The following PTPRN2 variants were observed in gnomAD, a reference collection of about 807,000 sequenced individuals.
PTPRN2 encodes the protein protein tyrosine phosphatase receptor type N2.
PTPRN2 carries 74 observed loss-of-function variants against 118.8 expected under a neutral mutation model. That is an observed-to-expected ratio of 0.62 (90% confidence interval 0.52 to 0.76). The LOEUF (loss-of-function observed/expected upper bound fraction) is 0.76. PTPRN2 is among the 30% of genes least tolerant of loss of function. The probability of loss-of-function intolerance (pLI) is 0.00; values close to 1 mark genes in which losing one functional copy is unlikely to be tolerated. For synonymous variants in PTPRN2, 641 were observed against 608.0 expected, an observed-to-expected ratio of 1.05 and a Z score of -0.80; for missense variants, 1,481 against 1,394.4, an observed-to-expected ratio of 1.06 and a Z score of -0.99.
intron 2 of PTPRN2, among the ~76,000 whole-genome samples, chr7:158,365,004 C>G (rs1405411168): frequency 1.3e-5 from 2 of 152,158 alleles, no homozygotes; most frequent in African/African-American, 4.8e-5. Flanking sequence ...CGCATGTGCA[C>G]ACACAACACA....
Position 157,940,445 on chromosome 7 carries a change from CCCTGTGACACTGCAAATCTAATGCCCTCT to C in PTPRN2, c.1724-41737_1724-41709del, listed in dbSNP as rs1447732531. Among the ~76,000 whole-genome samples the C allele has an allele frequency of 4.6e-5, 7 of 152,070 alleles. No individual in the cohort carries two copies. In the South Asian group the frequency reaches 8.3e-4, roughly 18 times the overall value. On this transcript the variant is annotated intron_variant, in intron 11 of 22. Coordinates refer to ENST00000389418, the MANE Select transcript of PTPRN2 (RefSeq NM_002847.5). ...ACTGTTACAGAAATCTAATGCCCTC[CCCTGTGACACTGCAAATCTAATGCCCTCT>C]CCTGTGACACTGCAAATCTAACACC...
intron 5 of PTPRN2, among the ~76,000 whole-genome samples, chr7:158,189,991 T>C (rs1585793608): frequency 6.6e-6 from 1 of 152,386 alleles, no homozygotes; most frequent in East Asian, 1.9e-4. Context: ...GGAATATGTT[T>C]GCCAGTGTCC....
At chr7:157,835,534 G>A (rs1282533097) in intron 12 of PTPRN2, among the ~76,000 whole-genome samples, 1 of 152,168 alleles carries the variant, frequency 6.6e-6, no homozygotes, top group East Asian at 1.9e-4. Context: ...AAAGAGACTC[G>A]TCCTAAGGAT....
chr7:158,462,891 A>G (rs1819107687), intron 2 of PTPRN2, among the ~76,000 whole-genome samples: 1 of 151,268 alleles, frequency 6.6e-6, no homozygotes, highest in Non-Finnish European at 1.5e-5. Context: ...AAAATCAATA[A>G]CATAAATTAT....
intron 11 of PTPRN2, among the ~76,000 whole-genome samples, chr7:157,975,214 T>G (rs1802652118): frequency 6.6e-6 from 1 of 152,184 alleles, no homozygotes; most frequent in Admixed American, 6.5e-5. Context: ...CTGCCAACAC[T>G]GCTGTCCACT....
chr7:157,925,220 G>A (rs1266999502), intron 11 of PTPRN2, among the ~76,000 whole-genome samples: 1 of 148,134 alleles, frequency 6.8e-6, no homozygotes, highest in Non-Finnish European at 1.5e-5. Context: ...GGCAAATGCA[G>A]TTATTGAAAT....
At chr7:158,100,244 GGTGTGTGTGTGTGTGTGTGT>G in intron 10 of PTPRN2, among the ~76,000 whole-genome samples, 1 of 147,420 alleles carries the variant, frequency 6.8e-6, no homozygotes, top group South Asian at 2.2e-4. Context: ...TATTCCATGG[GGTGTGTGTGTGTGTGTGTGT>G]GTGTGTGTGT....
At chr7:157,906,430 C>T (rs1203053354) in intron 11 of PTPRN2, among the ~76,000 whole-genome samples, 4 of 152,204 alleles carry the variant, frequency 2.6e-5, no homozygotes, top group Admixed American at 6.5e-5. Context: ...TATTTCAGCC[C>T]ATTCTCTTTC....
intron 3 of PTPRN2, among the ~76,000 whole-genome samples, chr7:158,224,831 C>A (rs1180668707): frequency 2.0e-5 from 3 of 152,214 alleles, no homozygotes; most frequent in African/African-American, 4.8e-5. Context: ...ACGTATCTGA[C>A]AAAGGACTAG....
chr7:157,891,122 T>C (rs1205617977), intron 12 of PTPRN2, among the ~76,000 whole-genome samples: 1 of 152,182 alleles, frequency 6.6e-6, no homozygotes, highest in African/African-American at 2.4e-5. Flanking sequence ...GCAGGAAATC[T>C]GCATCTTGAC....
At chr7:158,559,315 C>A (rs762966030) in intron 1 of PTPRN2, among the ~76,000 whole-genome samples, 6 of 152,196 alleles carry the variant, frequency 3.9e-5, no homozygotes, top group Non-Finnish European at 5.9e-5. Flanking sequence ...TACTTCTCAA[C>A]ACTGTAATAT....
intron 9 of PTPRN2, among the ~76,000 whole-genome samples, chr7:158,119,623 G>A (rs1004389768): frequency 1.3e-5 from 2 of 151,994 alleles, no homozygotes; most frequent in Admixed American, 6.6e-5. Flanking sequence ...GGGAGAGAGA[G>A]AGAGAGAGAG....
chr7:158,585,394 C>T (rs1223701562), intron 1 of PTPRN2, among the ~76,000 whole-genome samples: 2 of 152,210 alleles, frequency 1.3e-5, no homozygotes, highest in East Asian at 1.9e-4. Context: ...GTAGGTGATG[C>T]CTTTCACCTG....
chr7:158,313,058 G>A (rs1317346727), intron 3 of PTPRN2, among the ~76,000 whole-genome samples: 3 of 152,032 alleles, frequency 2.0e-5, no homozygotes, highest in African/African-American at 7.2e-5. Context: ...GTGTGTGCAG[G>A]TTTGTCTGCG....
intron 3 of PTPRN2, among the ~76,000 whole-genome samples, chr7:158,293,049 C>G (rs892686659): frequency 4.6e-5 from 7 of 152,040 alleles, no homozygotes; most frequent in Non-Finnish European, 8.8e-5. Flanking sequence ...GCCTGGGCAA[C>G]AGAGTGACAT....
chr7:157,870,778 A>G (rs1466490795), intron 12 of PTPRN2, among the ~76,000 whole-genome samples: 1 of 152,224 alleles, frequency 6.6e-6, no homozygotes, highest in African/African-American at 2.4e-5. Flanking sequence ...CTCTGGGGCC[A>G]GGAGCTGCAT....
At chr7:158,053,881 G>T (rs559946485) in intron 11 of PTPRN2, among the ~76,000 whole-genome samples, 1 of 150,702 alleles carries the variant, frequency 6.6e-6, no homozygotes, top group East Asian at 2.0e-4. Flanking sequence ...CCCCAGAGAT[G>T]CAGAGACCCC....
intron 9 of PTPRN2, among the ~76,000 whole-genome samples, chr7:158,131,468 G>A (rs1474827728): frequency 4.7e-5 from 6 of 127,798 alleles, no homozygotes; most frequent in Admixed American, 1.6e-4. Flanking sequence ...CCTGACACAC[G>A]CACTCATACA....
At position 158,125,826 on chromosome 7, in the gene PTPRN2, G is replaced by A. The variant is rs148027698; in HGVS notation, c.1556+7851C>T. On this transcript the variant is annotated intron_variant, in intron 9 of 22. Transcript: ENST00000389418. ...CAGAATCCATCTTCAGCATCCTCAG[G>A]GTTTCCTTTACTCTAACAAGGAAGG... Among the ~76,000 whole-genome samples the A allele has an allele frequency of 1.3e-3, 200 of 152,188 alleles. 1 individual carries two copies. The highest frequency in any genetic ancestry group is 4.2e-3 in the African/African-American group (175 of 41,524).
Sources: allele counts gnomAD v4.1 joint callset (sites outside exome capture counted in the v4.1 genomes callset), GRCh38; gene constraint gnomAD v4.1.1; transcripts MANE v1.5; gene names NCBI Gene and HGNC (gene_info 2026-07-23, HGNC 2026-07-21).